The following SYT9 variants were observed in gnomAD, a reference collection of about 807,000 sequenced individuals.
SYT9 encodes the protein synaptotagmin-9.
SYT9 carries 22 observed loss-of-function variants against 48.4 expected under a neutral mutation model. The ratio of observed to expected loss-of-function variants is 0.45; its 90% CI spans 0.32 to 0.65. The LOEUF is 0.65. SYT9 is among the 30% of genes least tolerant of loss of function. SYT9 has a pLI of 0.03. For synonymous variants in SYT9, 265 were observed against 245.0 expected, an observed-to-expected ratio of 1.08 and a Z score of -0.76; for missense variants, 577 against 622.0, an observed-to-expected ratio of 0.93 and a Z score of 0.77.
At chr11:7,388,213 T>C (rs1011354069) in intron 3 of SYT9, among the ~76,000 whole-genome samples, 9 of 152,222 alleles carry the variant, frequency 5.9e-5, no homozygotes, top group African/African-American at 9.6e-5. Flanking sequence ...GTATTTCTCA[T>C]ATCTAGTTTA....
intron 1 of SYT9, among the ~76,000 whole-genome samples, chr11:7,256,517 G>A (rs1279386163): frequency 6.6e-6 from 1 of 152,176 alleles, no homozygotes; most frequent in Non-Finnish European, 1.5e-5. Context: ...GAAGAATTGG[G>A]TCTAAGTGAA....
In SYT9 at chr11:7,283,164, T is replaced by TATAC. The variant is rs1491299786; in HGVS notation, c.146-19874_146-19873insTACA. Among the ~76,000 whole-genome samples the TATAC allele has an allele frequency of 1.4e-3, 193 of 138,396 alleles. 1 individual carries two copies. Among genetic ancestry groups the TATAC allele is most frequent in the East Asian group, 6.2e-3 (30 of 4,864 alleles). The allele number at this position is 138,396 out of a possible 152,430, so 90.8% of individuals were successfully genotyped here. ...ATGTGTGTGTATATATATATATATATACACACACACACACACACAGCCTAA... is the reference window on the plus strand; with the variant it reads ...ATGTGTGTGTATATATATATATATATATACACACACACACACACACACAGCCTAA... On this transcript the variant is annotated intron_variant, in intron 1 of 6. Transcript: ENST00000318881.
chr11:7,276,094 G>A (rs1478470883), intron 1 of SYT9, among the ~76,000 whole-genome samples: 1 of 152,048 alleles, frequency 6.6e-6, no homozygotes, highest in Non-Finnish European at 1.5e-5. Context: ...ACTGATTTCT[G>A]TATGTTTTAT....
At chr11:7,400,148 TGAGCAGAGGCATG>T (rs1229803054) in intron 3 of SYT9, among the ~76,000 whole-genome samples, 6 of 152,210 alleles carry the variant, frequency 3.9e-5, no homozygotes, top group Non-Finnish European at 7.3e-5. Flanking sequence ...CTAGCAGCAG[TGAGCAGAGGCATG>T]GATGTGGAGT....
chr11:7,435,712 G>A (rs1164328644), intron 6 of SYT9: 2 of 152,226 alleles, frequency 1.3e-5, no homozygotes. Context: ...CGGGCGCAGT[G>A]GCTCACGCCT....
intron 6 of SYT9, among the ~76,000 whole-genome samples, chr11:7,447,117 G>A (rs1411245679): frequency 6.6e-6 from 1 of 152,252 alleles, no homozygotes; most frequent in East Asian, 1.9e-4. Context: ...TGTCTGATTC[G>A]GGGTCTGATC....
At chr11:7,282,409 C>T (rs1848512232) in intron 1 of SYT9, among the ~76,000 whole-genome samples, 1 of 152,028 alleles carries the variant, frequency 6.6e-6, no homozygotes, top group South Asian at 2.1e-4. Context: ...ATGGTCCTGG[C>T]TCAGGGCAAA....
chr11:7,388,678 A>G (rs1426171434), intron 3 of SYT9, among the ~76,000 whole-genome samples: 3 of 152,202 alleles, frequency 2.0e-5, no homozygotes, highest in Non-Finnish European at 4.4e-5. Flanking sequence ...TATTTTTATT[A>G]TCATAGAGTC....
intron 3 of SYT9, among the ~76,000 whole-genome samples, chr11:7,385,612 C>T (rs770910839): frequency 6.6e-6 from 1 of 151,960 alleles, no homozygotes; most frequent in Non-Finnish European, 1.5e-5. Flanking sequence ...CACAATTTAC[C>T]TATATAACAA....
At chr11:7,446,156 A>G (rs1443720361) in intron 6 of SYT9, among the ~76,000 whole-genome samples, 1 of 152,242 alleles carries the variant, frequency 6.6e-6, no homozygotes, top group Non-Finnish European at 1.5e-5. Flanking sequence ...TCACCGAGCC[A>G]AGGGCTGCAA....
At chr11:7,250,170 A>G (rs1847842316), upstream of SYT9, among the ~76,000 whole-genome samples, 1 of 152,222 alleles carries the variant, frequency 6.6e-6, no homozygotes. Flanking sequence ...TGACCCAGGT[A>G]ACGTTTTGAA....
chr11:7,280,114 AATATACACGCATACGT>A (rs1848467385), intron 1 of SYT9, among the ~76,000 whole-genome samples: 1 of 152,280 alleles, frequency 6.6e-6, no homozygotes, highest in African/African-American at 2.4e-5. Context: ...GGTATGCATA[AATATACACGCATACGT>A]TTATTTTAAG....
Position 7,252,125 on chromosome 11 carries a change from G to A in SYT9, c.-62G>A. On this transcript the variant is annotated 5_prime_UTR_variant, in exon 1 of 7. Transcript: ENST00000318881. The surrounding 1 kb of genome is among the most constrained non-coding windows in gnomAD (Gnocchi z 6.3). Reference sequence around the variant, plus strand: ...GCCCGGAGGCGGCGGCTCTGAGCTGGCAGGCGGAGGGCTGTCTCCTGCGCC... The same window carrying A: ...GCCCGGAGGCGGCGGCTCTGAGCTGACAGGCGGAGGGCTGTCTCCTGCGCC... 2 of 1,344,072 alleles carry A rather than the reference G, an allele frequency of 1.5e-6. No homozygotes were observed. Among genetic ancestry groups the A allele is most frequent in the Non-Finnish European group, 1.9e-6 (2 of 1,052,396 alleles). The allele number at this position is 1,344,072 out of a possible 1,614,324, so 83.3% of individuals were successfully genotyped here.
chr11:7,438,616 C>T (rs1188145041), intron 6 of SYT9: 1 of 152,374 alleles, frequency 6.6e-6, no homozygotes. Context: ...GCTCTGCCCT[C>T]TTCCAACCTG....
intron 6 of SYT9, among the ~76,000 whole-genome samples, chr11:7,459,625 T>C (rs1423924600): frequency 1.3e-5 from 2 of 152,176 alleles, no homozygotes; most frequent in African/African-American, 4.8e-5. Context: ...AAAATTTACA[T>C]CTACCTAGAA....
intron 6 of SYT9, among the ~76,000 whole-genome samples, chr11:7,447,346 C>G (rs900813206): frequency 1.6e-4 from 24 of 152,288 alleles, no homozygotes; most frequent in African/African-American, 5.8e-4. Context: ...AACCTGACCC[C>G]TCTCTATCTG....
At chr11:7,270,132 C>CA (rs1848267212) in intron 1 of SYT9, among the ~76,000 whole-genome samples, 2 of 152,096 alleles carry the variant, frequency 1.3e-5, no homozygotes, top group African/African-American at 4.8e-5. Flanking sequence ...TGTATCAATT[C>CA]TTTGGTAACT....
chr11:7,391,759 A>T (rs112989490), intron 3 of SYT9, among the ~76,000 whole-genome samples: 5 of 142,928 alleles, frequency 3.5e-5, no homozygotes, highest in Non-Finnish European at 7.6e-5. Context: ...AAAAAAAAAA[A>T]AAAAAACCTA....
At chr11:7,334,286 T>C (rs1849596043) in intron 3 of SYT9, among the ~76,000 whole-genome samples, 1 of 152,126 alleles carries the variant, frequency 6.6e-6, no homozygotes, top group African/African-American at 2.4e-5. Context: ...ATGAGTAATT[T>C]TGGGCAGTGA....
Sources: allele counts gnomAD v4.1 joint callset (sites outside exome capture counted in the v4.1 genomes callset), GRCh38; gene constraint gnomAD v4.1.1; non-coding constraint Gnocchi (gnomAD v3.1); transcripts MANE v1.5; gene names NCBI Gene and HGNC (gene_info 2026-07-23, HGNC 2026-07-21).